Variants in ZSCAN12 observed in about 807,000 individuals in gnomAD.
ZSCAN12 encodes zinc finger and SCAN domain containing 12, also known as zinc finger and SCAN domain-containing protein 12.
ZSCAN12 carries 18 observed loss-of-function variants against 23.4 expected under a neutral mutation model. That is an observed-to-expected ratio of 0.77 (90% CI 0.53 to 1.14). The LOEUF (loss-of-function observed/expected upper bound fraction) is 1.14, where lower values mean the gene tolerates loss of function less well. Among genes scored for constraint, ZSCAN12 ranks in the 50% most tolerant of loss-of-function variants. ZSCAN12 has a pLI of 0.00. For missense variants in ZSCAN12, 650 were observed against 735.0 expected, an observed-to-expected ratio of 0.88 and a Z score of 1.34; for synonymous variants, 186 against 253.4, an observed-to-expected ratio of 0.73 and a Z score of 2.53.
downstream of ZSCAN12, chr6:28,381,884 T>C (rs1311105339): frequency 6.6e-6 from 1 of 152,192 alleles, no homozygotes; most frequent in Non-Finnish European, 1.5e-5. Context: ...AATCCTAAGT[T>C]AAAACACCCA....
intron 1 of ZSCAN12, among the ~76,000 whole-genome samples, chr6:28,399,164 A>G (rs1761289389): frequency 6.6e-6 from 1 of 152,216 alleles, no homozygotes; most frequent in Non-Finnish European, 1.5e-5. Context: ...TCTGGTGGAA[A>G]CCATGAAATC....
At chr6:28,396,398 T>A (rs1428670282) in intron 2 of ZSCAN12, among the ~76,000 whole-genome samples, 2 of 152,220 alleles carry the variant, frequency 1.3e-5, no homozygotes, top group Non-Finnish European at 2.9e-5. Context: ...TTAACTTTGT[T>A]AGGAGTGTCT....
chr6:28,381,044 G>A (rs1050357095), downstream of ZSCAN12: 6 of 152,192 alleles, frequency 3.9e-5, no homozygotes, highest in African/African-American at 1.4e-4. Flanking sequence ...GTAGGAGTAG[G>A]GGGGTCCAAT....
chr6:28,389,434 T>C lies in ZSCAN12; in HGVS notation c.*1020A>G, dbSNP rs980509385. Reference sequence around the variant, plus strand: ...AAAGTCTGCAGTGGCCTTTAGTTTATAGGACTGTGTTCAGGCTTCCCCACT... The same window carrying C: ...AAAGTCTGCAGTGGCCTTTAGTTTACAGGACTGTGTTCAGGCTTCCCCACT... On this transcript the variant is annotated 3_prime_UTR_variant, in exon 4 of 4. Coordinates refer to ENST00000684592, the MANE Select transcript of ZSCAN12 (RefSeq NM_001163391.2). Among the ~76,000 whole-genome samples the C allele has an allele frequency of 6.6e-6, 1 of 152,196 alleles. No individual in the cohort carries two copies. Among genetic ancestry groups the C allele is most frequent in the African/African-American group, 2.4e-5 (1 of 41,458 alleles).
chr6:28,398,025 TTCTC>T lies in ZSCAN12; in HGVS notation c.377_380del (p.Arg126AsnfsTer39), dbSNP rs1561964785. ...TCACCTGCTCTCCTGGTTCATCCAG[TTCTC>T]TCTCTAAATCCTCCAGCACAGTCAC... On this transcript the variant is annotated frameshift_variant, in exon 2 of 4. Transcript: ENST00000684592. LOFTEE classifies it high-confidence loss of function. The T allele has an allele frequency of 4.4e-6, 7 of 1,601,854 alleles. No individual in the cohort carries two copies. In the Admixed American group the frequency reaches 1.2e-4, roughly 28 times the overall value.
intron 2 of ZSCAN12, among the ~76,000 whole-genome samples, chr6:28,393,890 T>G (rs575917984): frequency 6.6e-6 from 1 of 152,284 alleles, no homozygotes; most frequent in Non-Finnish European, 1.5e-5. Context: ...TCTGGGAAGA[T>G]TATCTTATTT....
Position 28,387,227 on chromosome 6 carries a change from T to C in ZSCAN12, c.*3227A>G, listed in dbSNP as rs1247022283. Among the ~76,000 whole-genome samples the C allele has an allele frequency of 9.9e-5, 15 of 152,118 alleles. No individual in the cohort carries two copies. Among genetic ancestry groups the C allele is most frequent in the African/African-American group, 3.4e-4 (14 of 41,420 alleles). Reference sequence around the variant, plus strand: ...TGGTCCCTTTATAATATTAGGTATATAAGAAAGATTAAGTAGTGTGCAGAA... The same window carrying C: ...TGGTCCCTTTATAATATTAGGTATACAAGAAAGATTAAGTAGTGTGCAGAA... On this transcript the variant is annotated 3_prime_UTR_variant, in exon 4 of 4. Transcript: ENST00000684592.
At position 28,391,429 on chromosome 6, in the gene ZSCAN12, T is replaced by G; in HGVS notation, c.861A>C (p.Ser287=). 1 of 1,551,560 alleles carries G rather than the reference T, an allele frequency of 6.4e-7. No homozygotes were observed. The highest frequency in any genetic ancestry group is 1.2e-5 in the South Asian group (1 of 84,048). ...GGATCCTCTGATGTTCTATGAGGTG[T>G]GAGTGCTGACTAAAAGCTTTTCCAC... ...DDCGKAFSQH[S]HLIEHQRIHT... Residue 287 remains serine, a synonymous_variant, in exon 4 of 4, where the codon TCA becomes TCC. Transcript: ENST00000684592. This position sits in a 1 kb window ranked among gnomAD's most constrained non-coding sequence, Gnocchi z 4.1.
rs549165020 is a variant in ZSCAN12 at position 28,390,838 on chromosome 6, A to G, written c.1452T>C (p.Leu484=). Residue 484 remains leucine, a synonymous_variant, in exon 4 of 4, where the codon CTT becomes CTC. Coordinates refer to ENST00000684592, the MANE Select transcript of ZSCAN12 (RefSeq NM_001163391.2). ...CAGTGTGAATTCGCTGATGTTCTGT[A>G]AGACTTGTCCTTTGAATAAAGGCTT... The part of the protein sequence containing the change: ...CEKAFIQRTS[L]TEHQRIHTGE... 2.5e-5 allele frequency: 40 copies of G among 1,593,270 alleles called. No individual in the cohort carries two copies. Among genetic ancestry groups the G allele is most frequent in the Non-Finnish European group, 3.3e-5 (38 of 1,169,166 alleles).
rs1399708288 is a variant in ZSCAN12 at position 28,388,444 on chromosome 6, A to T, written c.*2010T>A. On this transcript the variant is annotated 3_prime_UTR_variant, in exon 4 of 4. Coordinates refer to ENST00000684592, the MANE Select transcript of ZSCAN12 (RefSeq NM_001163391.2). ...GAATATGTGTTCATATTTACAACTT[A>T]GCTAGAAACATAATATTCCTATAGG... 2.0e-5 allele frequency among the ~76,000 whole-genome samples: 3 copies of T among 152,180 alleles called. No individual in the cohort carries two copies. The highest frequency in any genetic ancestry group is 4.8e-5 in the African/African-American group (2 of 41,438).
At chr6:28,395,623 C>G (rs1454697292) in intron 2 of ZSCAN12, among the ~76,000 whole-genome samples, 3 of 152,208 alleles carry the variant, frequency 2.0e-5, no homozygotes, top group South Asian at 4.1e-4. Context: ...TTTTAAAATT[C>G]AAGTCAGATT....
chr6:28,399,396 G>A lies in ZSCAN12; in HGVS notation c.-69+261C>T, dbSNP rs113495288. 2.0e-3 allele frequency among the ~76,000 whole-genome samples: 306 copies of A among 152,346 alleles called. 2 individuals carry two copies. Among genetic ancestry groups the A allele is most frequent in the Middle Eastern group, 6.8e-3 (2 of 294 alleles). ...CCACTGTCCAGAAATGTCGGTAAGC[G>A]CTGAACCCAAGGATACACAGCCCGA... On this transcript the variant is annotated intron_variant, in intron 1 of 3. Transcript: ENST00000684592.
downstream of ZSCAN12, chr6:28,382,466 T>C: frequency 6.5e-7 from 1 of 1,547,440 alleles, no homozygotes; most frequent in Non-Finnish European, 8.7e-7. Context: ...GGCACAGCCT[T>C]CTTCCTTTAC....
intron 2 of ZSCAN12, 26 bp downstream of exon 2, chr6:28,397,978 A>C: frequency 6.5e-7 from 1 of 1,531,302 alleles, no homozygotes; most frequent in Non-Finnish European, 8.8e-7. Context: ...TGTTTTCTCA[A>C]GCAGAAGTCA....
intron 2 of ZSCAN12, among the ~76,000 whole-genome samples, chr6:28,393,813 T>C (rs1254108369): frequency 6.6e-6 from 1 of 151,828 alleles, no homozygotes; most frequent in Non-Finnish European, 1.5e-5. Flanking sequence ...GAGAAATCTC[T>C]TCCATATTCA....
exon 5 of ZSCAN12, chr6:28,379,314 A>G (rs1008899104): frequency 2.0e-5 from 3 of 152,212 alleles, no homozygotes; most frequent in Non-Finnish European, 4.4e-5. Flanking sequence ...TCTATCTTAA[A>G]AAAACAGCCG....
Position 28,391,350 on chromosome 6 carries a change from TC to T in ZSCAN12, c.939del (p.Arg314GlufsTer9). 1 of 1,552,176 alleles carries T rather than the reference TC, an allele frequency of 6.4e-7. No individual in the cohort carries two copies. The highest frequency in any genetic ancestry group is 1.4e-5 in the African/African-American group (1 of 73,176). On this transcript the variant is annotated frameshift_variant, in exon 4 of 4. Transcript: ENST00000684592. LOFTEE classifies it low-confidence loss of function (END_TRUNC). The surrounding 1 kb of genome is among the most constrained non-coding windows in gnomAD (Gnocchi z 4.1). The stretch of plus-strand genomic sequence containing the variant: ...ATTTTGTGTCGAATAAGCACAGTTC[TC>T]CCACGGAAAGCTTTTCCACATTCTT... ...KCEECGKAFR[G>X]RTVLIRHKII...
rs368396218 is a variant in ZSCAN12, at chr6:28,393,865, C to A, written c.403-819G>T. 1.1e-4 allele frequency among the ~76,000 whole-genome samples: 16 copies of A among 152,192 alleles called. No individual in the cohort carries two copies. In the East Asian group the frequency reaches 2.9e-3, roughly 28 times the overall value. On this transcript the variant is annotated intron_variant, in intron 2 of 3. Transcript: ENST00000684592. ...CAATAGTCTCTGCTCTTCTGAGGTG[C>A]CCGTCCCACTTCTCTCTGGGAAGAT...
chr6:28,386,092 A>G lies in ZSCAN12; in HGVS notation c.*4362T>C, dbSNP rs1760526807. 6.6e-6 allele frequency among the ~76,000 whole-genome samples: 1 copy of G among 152,002 alleles called. No individual in the cohort carries two copies. The highest frequency in any genetic ancestry group is 1.5e-5 in the Non-Finnish European group (1 of 68,014). On this transcript the variant is annotated 3_prime_UTR_variant, in exon 4 of 4. Coordinates refer to ENST00000684592, the MANE Select transcript of ZSCAN12 (RefSeq NM_001163391.2). Reference sequence around the variant, plus strand: ...TTCCTCTGCAGTCACTTCCCACTGCACTCTCTGGAATCAGTTTGATTGTCA... The same window carrying G: ...TTCCTCTGCAGTCACTTCCCACTGCGCTCTCTGGAATCAGTTTGATTGTCA...
Sources: gnomAD v4.1 joint callset for allele counts (sites outside exome capture counted in the v4.1 genomes callset) on GRCh38, gnomAD v4.1.1 for gene constraint, Gnocchi (gnomAD v3.1) non-coding constraint, MANE v1.5 for transcripts, NCBI Gene and HGNC (gene_info 2026-07-23, HGNC 2026-07-21) for gene names.